Variants in PDS5B observed in about 807,000 individuals in gnomAD.
The protein encoded by PDS5B is sister chromatid cohesion protein PDS5 homolog B.
Under a neutral mutation model 184.1 loss-of-function variants are expected in PDS5B, and 51 were observed. The ratio of observed to expected loss-of-function variants is 0.28; its 90% CI spans 0.22 to 0.35. PDS5B has a LOEUF of 0.35. PDS5B is among the 10% of genes least tolerant of loss of function. PDS5B has a pLI of 1.00. For missense variants in PDS5B, 1,180 were observed against 1,723.3 expected (o/e 0.68, Z 5.58); for synonymous variants, 566 against 569.2 (o/e 0.99, Z 0.08).
At chr13:32,652,128 CTT>C (rs1950380146) in intron 3 of PDS5B, 121 bp downstream of exon 3, 5 of 618,168 alleles carry the variant, frequency 8.1e-6, no homozygotes, top group African/African-American at 2.0e-5. Context: ...CTACAGTAAT[CTT>C]TTGCTAAACT....
rs751620046 is a variant in PDS5B, at chr13:32,770,796, A to C, written c.4172+35A>C. ...AAATATTACATTTCAAACCAATTTC[A>C]AATTATTTTGCAAAAGTTCCTAAAT... On this transcript the variant is annotated intron_variant, in intron 33 of 34. Transcript: ENST00000315596. 22 of 1,498,282 alleles carry C rather than the reference A, an allele frequency of 1.5e-5. No individual in the cohort carries two copies. The African/African-American group carries it at 2.9e-4, about 20-fold the overall frequency. 92.8% of individuals were successfully genotyped at this position (1,498,282 alleles called of 1,614,324 possible). A position where few individuals can be genotyped will look rare whatever the true frequency, so the allele number is the denominator to read the frequency against.
intron 3 of PDS5B, among the ~76,000 whole-genome samples, chr13:32,655,374 A>ATATATATATATATATATATTTTTTTTT: frequency 1.4e-5 from 1 of 72,466 alleles, no homozygotes. Context: ...ATATATATAT[A>ATATATATATATATATATATTTTTTTTT]TTTTTTTTTT....
intron 31 of PDS5B, among the ~76,000 whole-genome samples, chr13:32,769,485 A>G (rs954392427): frequency 6.6e-6 from 1 of 152,210 alleles, no homozygotes; most frequent in Non-Finnish European, 1.5e-5. Context: ...GATTCTCTGA[A>G]TATAGACTAG....
chr13:32,667,883 C>G (rs757338150), intron 7 of PDS5B, 39 bp downstream of exon 7: 2 of 1,267,762 alleles, frequency 1.6e-6, no homozygotes, highest in South Asian at 1.5e-5. Flanking sequence ...AAGGATTAAA[C>G]TGAAAATTTA....
intron 31 of PDS5B, among the ~76,000 whole-genome samples, chr13:32,769,270 A>G (rs1331691504): frequency 6.6e-6 from 1 of 152,238 alleles, no homozygotes; most frequent in African/African-American, 2.4e-5. Context: ...GAAGGATGTA[A>G]TTAGGCAGTT....
At position 32,616,221 on chromosome 13, in the gene PDS5B, T is replaced by G. The variant is rs529356824; in HGVS notation, c.-20+29628T>G. On this transcript the variant is annotated intron_variant, in intron 1 of 34. Transcript: ENST00000315596. ...GGCACCCGCCACCACACCCAGCTAA[T>G]TTTTTGTATTTTTAGTAGAGACAGG... Among the ~76,000 whole-genome samples, 376 of 151,784 alleles carry G rather than the reference T, an allele frequency of 2.5e-3. 2 individuals are homozygous for G. Among genetic ancestry groups the G allele is most frequent in the African/African-American group, 8.6e-3 (356 of 41,396 alleles).
intron 12 of PDS5B, among the ~76,000 whole-genome samples, chr13:32,687,593 C>G (rs1951433561): frequency 6.6e-6 from 1 of 151,932 alleles, no homozygotes; most frequent in African/African-American, 2.4e-5. Context: ...TTACAAGGAT[C>G]TTCATTAATT....
At chr13:32,706,040 G>A (rs1951999677) in intron 17 of PDS5B, among the ~76,000 whole-genome samples, 1 of 152,086 alleles carries the variant, frequency 6.6e-6, no homozygotes, top group Non-Finnish European at 1.5e-5. Flanking sequence ...CACTTTGAGA[G>A]GCAAAGGCGG....
At chr13:32,701,870 C>T (rs963797256) in intron 17 of PDS5B, among the ~76,000 whole-genome samples, 1 of 152,066 alleles carries the variant, frequency 6.6e-6, no homozygotes, top group African/African-American at 2.4e-5. Flanking sequence ...TACATTTTCA[C>T]AGATAATTTG....
At chr13:32,739,383 A>G (rs1277088914) in intron 21 of PDS5B, among the ~76,000 whole-genome samples, 2 of 152,190 alleles carry the variant, frequency 1.3e-5, no homozygotes, top group Non-Finnish European at 1.5e-5. Context: ...CTCTAAAAAG[A>G]AAAATTTTAA....
chr13:32,595,565 A>T (rs1027641803), intron 1 of PDS5B, among the ~76,000 whole-genome samples: 3 of 152,210 alleles, frequency 2.0e-5, no homozygotes, highest in Non-Finnish European at 4.4e-5. Flanking sequence ...AGAGGTATAC[A>T]CAGAGTCTGT....
intron 8 of PDS5B, among the ~76,000 whole-genome samples, chr13:32,674,252 T>C (rs1291962717): frequency 2.6e-5 from 4 of 152,234 alleles, no homozygotes; most frequent in African/African-American, 4.8e-5. Flanking sequence ...ATTATTAATC[T>C]TTGTGGACCC....
intron 1 of PDS5B, among the ~76,000 whole-genome samples, chr13:32,634,029 T>C (rs554715291): frequency 2.0e-5 from 3 of 152,312 alleles, no homozygotes; most frequent in East Asian, 1.9e-4. Context: ...TTTTCTGTTA[T>C]ATCCTCTCTT....
At chr13:32,646,038 T>G (rs1303089972) in intron 1 of PDS5B, among the ~76,000 whole-genome samples, 1 of 151,710 alleles carries the variant, frequency 6.6e-6, no homozygotes, top group Non-Finnish European at 1.5e-5. Flanking sequence ...CAAGGTCCAC[T>G]CTGTCATTCA....
chr13:32,705,710 C>T (rs1219491014), intron 17 of PDS5B, among the ~76,000 whole-genome samples: 3 of 152,100 alleles, frequency 2.0e-5, no homozygotes, highest in African/African-American at 4.8e-5. Flanking sequence ...GATAGGGTCT[C>T]ACTCTGCCAC....
intron 1 of PDS5B, among the ~76,000 whole-genome samples, chr13:32,641,125 G>A (rs974458516): frequency 6.6e-6 from 1 of 151,186 alleles, no homozygotes; most frequent in Non-Finnish European, 1.5e-5. Flanking sequence ...GTCTGATATA[G>A]GCCAGTTTTA....
intron 21 of PDS5B, among the ~76,000 whole-genome samples, chr13:32,740,325 A>G (rs1953493978): frequency 6.6e-6 from 1 of 152,116 alleles, no homozygotes; most frequent in African/African-American, 2.4e-5. Flanking sequence ...GCCTAATGTG[A>G]TTCCTTTTTC....
intron 3 of PDS5B, among the ~76,000 whole-genome samples, chr13:32,654,770 G>A (rs1256265351): frequency 1.3e-5 from 2 of 152,134 alleles, no homozygotes; most frequent in Non-Finnish European, 2.9e-5. Context: ...GGTGATAAGT[G>A]AGAACATGTG....
At chr13:32,733,228 T>C (rs1953186671) in intron 20 of PDS5B, among the ~76,000 whole-genome samples, 1 of 152,160 alleles carries the variant, frequency 6.6e-6, no homozygotes, top group African/African-American at 2.4e-5. Flanking sequence ...GTTCTTTCAT[T>C]TTGATATTGT....
Sources: allele counts gnomAD v4.1 joint callset (sites outside exome capture counted in the v4.1 genomes callset), GRCh38; gene constraint gnomAD v4.1.1; transcripts MANE v1.5; gene names NCBI Gene and HGNC (gene_info 2026-07-23, HGNC 2026-07-21).